CDH13: variants seen among roughly 807,000 people sequenced by gnomAD.
CDH13 encodes cadherin-13.
In CDH13, 24 loss-of-function variants were observed where a neutral mutation model predicts 63.8. The observed-to-expected ratio is 0.38, with a 90% CI of 0.27 to 0.53. The LOEUF (loss-of-function observed/expected upper bound fraction) is 0.53. Ranked by LOEUF, CDH13 falls within the 20% of genes least tolerant of loss-of-function variation. CDH13 has a pLI of 0.85. For missense variants in CDH13, 1,049 were observed against 903.1 expected (o/e 1.16, Z -2.07); for synonymous variants, 503 against 355.3 (o/e 1.42, Z -4.67).
At chr16:83,234,400 C>T (rs1339496291) in intron 5 of CDH13, among the ~76,000 whole-genome samples, 7 of 152,156 alleles carry the variant, frequency 4.6e-5, no homozygotes, top group Non-Finnish European at 8.8e-5. Flanking sequence ...TAACCACCTG[C>T]CCCAAGGCCC....
At chr16:83,610,414 G>C (rs1014558059) in intron 8 of CDH13, among the ~76,000 whole-genome samples, 1 of 152,140 alleles carries the variant, frequency 6.6e-6, no homozygotes, top group African/African-American at 2.4e-5. Context: ...AATCCTGAGT[G>C]ATTTAATTCT....
At chr16:83,723,864 A>G (rs918211159) in intron 10 of CDH13, among the ~76,000 whole-genome samples, 2 of 151,648 alleles carry the variant, frequency 1.3e-5, no homozygotes, top group Non-Finnish European at 2.9e-5. Context: ...GCATAGATCC[A>G]TGGAAGAATG....
At chr16:83,046,351 G>T (rs1385614482) in intron 3 of CDH13, among the ~76,000 whole-genome samples, 1 of 152,056 alleles carries the variant, frequency 6.6e-6, no homozygotes, top group Middle Eastern at 3.2e-3. Flanking sequence ...CAAAACATAA[G>T]ACAACTGTTT....
At chr16:83,242,895 A>C (rs1226907339) in intron 5 of CDH13, among the ~76,000 whole-genome samples, 1 of 152,194 alleles carries the variant, frequency 6.6e-6, no homozygotes, top group African/African-American at 2.4e-5. Context: ...AGAGGGGAGT[A>C]TCATCAAGTA....
intron 8 of CDH13, among the ~76,000 whole-genome samples, chr16:83,609,050 A>T (rs1039300418): frequency 6.6e-6 from 1 of 152,110 alleles, no homozygotes; most frequent in Non-Finnish European, 1.5e-5. Flanking sequence ...TGCTTTCACA[A>T]CACATTTTAT....
At chr16:83,626,135 T>G (rs1048390770) in intron 8 of CDH13, among the ~76,000 whole-genome samples, 2 of 152,118 alleles carry the variant, frequency 1.3e-5, no homozygotes, top group Non-Finnish European at 2.9e-5. Flanking sequence ...GTCAGCCTCC[T>G]GCGTAGCTGG....
At chr16:83,092,414 A>C (rs1941234587) in intron 3 of CDH13, among the ~76,000 whole-genome samples, 1 of 152,206 alleles carries the variant, frequency 6.6e-6, no homozygotes, top group Non-Finnish European at 1.5e-5. Flanking sequence ...GCAAGGTCTT[A>C]GATGATTAAA....
At chr16:83,014,743 A>AAATAT (rs1429094653) in intron 2 of CDH13, among the ~76,000 whole-genome samples, 1 of 33,232 alleles carries the variant, frequency 3.0e-5, no homozygotes, top group Non-Finnish European at 5.4e-5. Context: ...AAAAAAAAAA[A>AAATAT]ATATATATAT....
chr16:83,600,454 C>A (rs540806797), intron 7 of CDH13, among the ~76,000 whole-genome samples: 1 of 152,232 alleles, frequency 6.6e-6, no homozygotes, highest in Admixed American at 6.5e-5. Flanking sequence ...GAATGGTGTC[C>A]CTATGAGCAG....
At chr16:83,128,333 A>G (rs2035900823) in intron 4 of CDH13, among the ~76,000 whole-genome samples, 1 of 152,172 alleles carries the variant, frequency 6.6e-6, no homozygotes, top group South Asian at 2.1e-4. Flanking sequence ...CTTGCTAGAA[A>G]TGCATATTTT....
At chr16:83,022,180 A>G (rs1279646650) in intron 2 of CDH13, among the ~76,000 whole-genome samples, 1 of 152,206 alleles carries the variant, frequency 6.6e-6, no homozygotes, top group Non-Finnish European at 1.5e-5. Flanking sequence ...AGTCTGTCTG[A>G]TATTTCTGAA....
At chr16:83,348,162 C>T (rs972102569) in intron 6 of CDH13, among the ~76,000 whole-genome samples, 4 of 152,162 alleles carry the variant, frequency 2.6e-5, no homozygotes, top group African/African-American at 9.7e-5. Context: ...TGCACTCCAG[C>T]CTGGGCGACA....
rs555928950 is a variant in CDH13, at chr16:83,152,706, C to T, written c.483+27205C>T. Among the ~76,000 whole-genome samples, 153 of 152,232 alleles carry T rather than the reference C, an allele frequency of 1.0e-3. 1 individual carries two copies. In the Middle Eastern group the frequency reaches 0.014, roughly 14 times the overall value. On this transcript the variant is annotated intron_variant, in intron 4 of 13. Transcript: ENST00000567109. ...GGACAAACACGCTATGTGGTTGTTA[C>T]GGGCTGAATTGCATCCCCCAAAACC...
At chr16:82,934,617 T>A (rs576140166) in intron 2 of CDH13, among the ~76,000 whole-genome samples, 1 of 152,320 alleles carries the variant, frequency 6.6e-6, no homozygotes, top group South Asian at 2.1e-4. Flanking sequence ...GGTTGCAAAT[T>A]TTCCAAACTT....
At chr16:83,582,246 C>G (rs1313523110) in intron 7 of CDH13, among the ~76,000 whole-genome samples, 1 of 152,088 alleles carries the variant, frequency 6.6e-6, no homozygotes, top group Admixed American at 6.5e-5. Context: ...TTGCTTTACG[C>G]AGATGTTTCT....
chr16:82,843,082 G>A (rs2039101619), intron 1 of CDH13, among the ~76,000 whole-genome samples: 1 of 152,208 alleles, frequency 6.6e-6, no homozygotes, highest in Non-Finnish European at 1.5e-5. Flanking sequence ...ATGGCCTGGG[G>A]ATTGGGCATC....
intron 4 of CDH13, among the ~76,000 whole-genome samples, chr16:83,136,738 C>G (rs1000251889): frequency 1.3e-5 from 2 of 152,086 alleles, no homozygotes; most frequent in Non-Finnish European, 2.9e-5. Context: ...TCAGTACAAT[C>G]TTGTTAGTGG....
chr16:83,374,055 T>A (rs778336422), intron 6 of CDH13, among the ~76,000 whole-genome samples: 1 of 152,216 alleles, frequency 6.6e-6, no homozygotes, highest in Non-Finnish European at 1.5e-5. Flanking sequence ...TGGAGGGTAC[T>A]AAGGCGTGCT....
chr16:83,320,785 G>A (rs771201963), intron 5 of CDH13, among the ~76,000 whole-genome samples: 10 of 152,142 alleles, frequency 6.6e-5, no homozygotes, highest in Admixed American at 2.6e-4. Flanking sequence ...ACACATCACC[G>A]TCAGCCAACA....
Sources: allele counts gnomAD v4.1 joint callset (sites outside exome capture counted in the v4.1 genomes callset), GRCh38; gene constraint gnomAD v4.1.1; transcripts MANE v1.5; gene names NCBI Gene and HGNC (gene_info 2026-07-23, HGNC 2026-07-21).